The following SP140 variants were observed in gnomAD, a reference collection of about 807,000 sequenced individuals.
SP140 encodes the protein nuclear body protein SP140.
SP140 carries 81 observed loss-of-function variants against 125.0 expected under a neutral mutation model. The ratio of observed to expected loss-of-function variants is 0.65; its 90% CI spans 0.54 to 0.78. The LOEUF (loss-of-function observed/expected upper bound fraction) is 0.78, where lower values mean the gene tolerates loss of function less well. Among genes scored for constraint, SP140 ranks in the 30% least tolerant of loss-of-function variants. The pLI is 0.00. For synonymous variants in SP140, 312 were observed against 354.0 expected (o/e 0.88, Z 1.33); for missense variants, 858 against 1,037.0 (o/e 0.83, Z 2.37).
At chr2:230,254,351 G>T (rs931673034) in intron 11 of SP140, among the ~76,000 whole-genome samples, 2 of 152,312 alleles carry the variant, frequency 1.3e-5, no homozygotes, top group East Asian at 3.9e-4. Context: ...TCTAGGTAGA[G>T]AGTGACACAG....
At chr2:230,291,027 C>T (rs566725251) in intron 19 of SP140, among the ~76,000 whole-genome samples, 4 of 152,204 alleles carry the variant, frequency 2.6e-5, no homozygotes, top group Admixed American at 2.6e-4. Flanking sequence ...AGAAGGGAAC[C>T]TTTCTGAACC....
At chr2:230,266,004 C>A (rs951789967) in intron 12 of SP140, among the ~76,000 whole-genome samples, 9 of 152,070 alleles carry the variant, frequency 5.9e-5, no homozygotes, top group African/African-American at 9.7e-5. Flanking sequence ...ATTTTAAAAT[C>A]GTGAAGATCT....
At chr2:230,308,762 G>A in intron 22 of SP140, among the ~76,000 whole-genome samples, 1 of 152,224 alleles carries the variant, frequency 6.6e-6, no homozygotes. Flanking sequence ...AGAAGTGTTG[G>A]TAGGAAACCT....
intron 17 of SP140, among the ~76,000 whole-genome samples, chr2:230,286,961 C>G (rs1380500942): frequency 6.6e-6 from 1 of 152,244 alleles, no homozygotes; most frequent in East Asian, 1.9e-4. Context: ...TGATCAGCAC[C>G]CCCAGATGGT....
At chr2:230,220,913 G>A (rs1266012906), upstream of SP140, among the ~76,000 whole-genome samples, 1 of 152,142 alleles carries the variant, frequency 6.6e-6, no homozygotes, top group Non-Finnish European at 1.5e-5. Flanking sequence ...TGAGGAGGCT[G>A]AGGCTGGAGA....
chr2:230,298,487 A>G (rs565972532), intron 22 of SP140, among the ~76,000 whole-genome samples: 1 of 152,302 alleles, frequency 6.6e-6, no homozygotes, highest in Non-Finnish European at 1.5e-5. Context: ...AATAATTAAA[A>G]CAGCCCTGGA....
At chr2:230,280,677 G>T (rs1431938798) in intron 15 of SP140, among the ~76,000 whole-genome samples, 1 of 152,038 alleles carries the variant, frequency 6.6e-6, no homozygotes, top group Non-Finnish European at 1.5e-5. Context: ...AATCCCAAAA[G>T]ATGACAAGGA....
chr2:230,222,226 C>A (rs1427598985), upstream of SP140, among the ~76,000 whole-genome samples: 2 of 143,388 alleles, frequency 1.4e-5, no homozygotes, highest in Non-Finnish European at 3.0e-5. Context: ...TGAGATCCCG[C>A]CTCAAAAAAA....
intron 1 of SP140, among the ~76,000 whole-genome samples, chr2:230,231,959 T>C (rs1347962888): frequency 1.3e-5 from 2 of 151,550 alleles, no homozygotes; most frequent in African/African-American, 4.9e-5. Context: ...TCCACCCGTC[T>C]CAGTCTCCCA....
intron 15 of SP140, among the ~76,000 whole-genome samples, chr2:230,282,964 C>G (rs1253681576): frequency 6.6e-6 from 1 of 152,132 alleles, no homozygotes; most frequent in African/African-American, 2.4e-5. Flanking sequence ...ATATGGGGGA[C>G]TGCTTGAGGA....
the SP140 span, among the ~76,000 whole-genome samples, chr2:230,193,502 G>A: frequency 6.6e-6 from 1 of 152,266 alleles, no homozygotes; most frequent in African/African-American, 2.4e-5. Flanking sequence ...TCAATCTTTC[G>A]TTTCAAGAGT....
chr2:230,238,488 T>C, intron 3 of SP140, 107 bp downstream of exon 3: 1 of 1,106,382 alleles, frequency 9.0e-7, no homozygotes, highest in Non-Finnish European at 1.3e-6. Context: ...GAGTGACTAT[T>C]ACATGCCAAG....
chr2:230,239,152 C>G, intron 3 of SP140: 1 of 825,154 alleles, frequency 1.2e-6, no homozygotes, highest in Non-Finnish European at 1.6e-6. Context: ...AAAGAGGTAT[C>G]TTGTTTTCAT....
In SP140 at chr2:230,269,569, A is replaced by G; in HGVS notation, c.1278A>G (p.Glu426=). The change falls in exon 13 of 27, where the codon GAA becomes GAG. Residue 426 remains glutamate (E), a synonymous_variant. Coordinates refer to ENST00000392045, the MANE Select transcript of SP140 (RefSeq NM_007237.5). ...TAGAAAATCACCCAATGAATGAAGA[A>G]GGAGAATCAGAAGAGCTTGCTTCTA... The part of the protein sequence containing the change: ...SELENHPMNE[E]GESEELASSL... 1 of 1,607,830 alleles carries G rather than the reference A, an allele frequency of 6.2e-7. No individual in the cohort carries two copies.
At chr2:230,258,868 C>T (rs921164392) in intron 12 of SP140, among the ~76,000 whole-genome samples, 9 of 151,262 alleles carry the variant, frequency 5.9e-5, no homozygotes, top group Admixed American at 3.3e-4. Flanking sequence ...AATGTGTTTA[C>T]GTAAAATTAA....
intron 22 of SP140, among the ~76,000 whole-genome samples, chr2:230,300,374 A>G (rs562254337): frequency 6.6e-6 from 1 of 152,284 alleles, no homozygotes; most frequent in East Asian, 1.9e-4. Context: ...ACAAAACTAC[A>G]ATCAAGGACT....
At chr2:230,215,675 A>C (rs1361439519) in intron 3 of SP140, among the ~76,000 whole-genome samples, 1 of 152,234 alleles carries the variant, frequency 6.6e-6, no homozygotes, top group Non-Finnish European at 1.5e-5. Context: ...GATTGCAAAT[A>C]ATTATTGAAC....
At chr2:230,261,028 C>T (rs908517095) in intron 12 of SP140, among the ~76,000 whole-genome samples, 3 of 152,074 alleles carry the variant, frequency 2.0e-5, no homozygotes, top group Admixed American at 6.6e-5. Context: ...TTGCTTTTGG[C>T]GGTATGATCA....
intron 1 of SP140, chr2:230,212,956 C>T: frequency 1.2e-6 from 2 of 1,614,018 alleles, no homozygotes; most frequent in Non-Finnish European, 1.7e-6. Context: ...AGGGAGCTTC[C>T]TTCTGCTAGG....
Sources: gnomAD v4.1 joint callset for allele counts (sites outside exome capture counted in the v4.1 genomes callset) on GRCh38, gnomAD v4.1.1 for gene constraint, MANE v1.5 for transcripts, NCBI Gene and HGNC (gene_info 2026-07-23, HGNC 2026-07-21) for gene names.